The following LRP1B variants were observed in gnomAD, a reference collection of about 807,000 sequenced individuals.
LRP1B encodes the protein low-density lipoprotein receptor-related protein 1B.
In LRP1B, 217 loss-of-function variants were observed where a neutral mutation model predicts 556.6. That is an observed-to-expected ratio of 0.39 (90% confidence interval 0.35 to 0.44). The LOEUF (loss-of-function observed/expected upper bound fraction) is 0.44. Among genes scored for constraint, LRP1B ranks in the 20% least tolerant of loss-of-function variants. LRP1B has a pLI of 1.00. For missense variants in LRP1B, 5,053 were observed against 5,620.8 expected (o/e 0.90, Z 3.23); for synonymous variants, 2,047 against 1,865.8 (o/e 1.10, Z -2.50).
At chr2:141,444,389 G>T (rs538799869) in intron 3 of LRP1B, among the ~76,000 whole-genome samples, 1 of 152,252 alleles carries the variant, frequency 6.6e-6, no homozygotes, top group East Asian at 1.9e-4. Flanking sequence ...GAGATAATTT[G>T]ACTTCCTCTC....
At chr2:141,115,502 A>C (rs1240769518) in intron 7 of LRP1B, among the ~76,000 whole-genome samples, 1 of 126,468 alleles carries the variant, frequency 7.9e-6, no homozygotes, top group African/African-American at 3.0e-5. Flanking sequence ...TGTCACCCAG[A>C]CTGGAGTGCA....
intron 3 of LRP1B, among the ~76,000 whole-genome samples, chr2:141,438,027 T>C (rs369414264): frequency 3.3e-4 from 51 of 152,252 alleles, no homozygotes; most frequent in African/African-American, 1.2e-3. Flanking sequence ...GCATTGACTA[T>C]ATAACATTTG....
chr2:140,790,642 A>G (rs1004647085), intron 32 of LRP1B, among the ~76,000 whole-genome samples: 1 of 152,170 alleles, frequency 6.6e-6, no homozygotes, highest in Non-Finnish European at 1.5e-5. Context: ...TCTACTAGGT[A>G]GTGAGGCCCG....
intron 32 of LRP1B, among the ~76,000 whole-genome samples, chr2:140,798,229 A>C (rs575652814): frequency 6.6e-6 from 1 of 152,296 alleles, no homozygotes; most frequent in South Asian, 2.1e-4. Flanking sequence ...CATGATAGTC[A>C]CTTGATAAAT....
At chr2:141,968,256 G>T (rs1416391494) in intron 1 of LRP1B, among the ~76,000 whole-genome samples, 1 of 151,790 alleles carries the variant, frequency 6.6e-6, no homozygotes, top group East Asian at 1.9e-4. Flanking sequence ...TTACACAAAT[G>T]TCTTTCTCTT....
chr2:141,690,396 A>AATAAATAT (rs5834858), intron 2 of LRP1B, among the ~76,000 whole-genome samples: 1,157 of 26,012 alleles, frequency 0.044, 15 homozygotes, highest in Non-Finnish European at 0.063. Context: ...TACATCTATA[A>AATAAATAT]ATATATATAT....
intron 41 of LRP1B, among the ~76,000 whole-genome samples, chr2:140,695,980 T>C (rs999116745): frequency 2.6e-5 from 4 of 152,206 alleles, no homozygotes; most frequent in African/African-American, 9.6e-5. Context: ...TTCAGCTATA[T>C]GAAGGATCAA....
intron 7 of LRP1B, among the ~76,000 whole-genome samples, chr2:141,110,460 C>T (rs921390902): frequency 2.6e-5 from 4 of 151,996 alleles, no homozygotes; most frequent in African/African-American, 4.8e-5. Flanking sequence ...TGCTCATATG[C>T]GTATGAGGTC....
intron 43 of LRP1B, among the ~76,000 whole-genome samples, chr2:140,572,834 A>AAATAAAAT (rs1681377704): frequency 6.6e-6 from 1 of 151,502 alleles, no homozygotes; most frequent in Non-Finnish European, 1.5e-5. Context: ...AAATAAAATA[A>AAATAAAAT]AATAAAACAC....
At chr2:141,728,862 C>G (rs2105513916) in intron 2 of LRP1B, among the ~76,000 whole-genome samples, 1 of 152,254 alleles carries the variant, frequency 6.6e-6, no homozygotes. Context: ...TTTGGCTTAA[C>G]AAATGTTTTT....
intron 35 of LRP1B, among the ~76,000 whole-genome samples, chr2:140,751,569 T>C (rs1430789675): frequency 6.6e-6 from 1 of 152,204 alleles, no homozygotes; most frequent in Non-Finnish European, 1.5e-5. Flanking sequence ...AGAAAAATAA[T>C]ATTTTAATAC....
At chr2:141,005,531 A>C (rs991165684) in intron 14 of LRP1B, 74 bp from the exon 15 acceptor site, 2 of 1,402,722 alleles carry the variant, frequency 1.4e-6, no homozygotes, top group Non-Finnish European at 2.0e-6. Flanking sequence ...CATAGATGTA[A>C]TTACATACAC....
At chr2:141,257,161 G>A (rs897993088) in intron 3 of LRP1B, among the ~76,000 whole-genome samples, 5 of 152,032 alleles carry the variant, frequency 3.3e-5, no homozygotes, top group African/African-American at 1.2e-4. Context: ...TAATAGGATC[G>A]ATTGAGGGTG....
intron 3 of LRP1B, among the ~76,000 whole-genome samples, chr2:141,448,883 A>G (rs1189194178): frequency 1.3e-5 from 2 of 152,218 alleles, no homozygotes; most frequent in Admixed American, 1.3e-4. Flanking sequence ...ATTCTTAAGA[A>G]GTTTCCATCT....
At chr2:141,376,191 G>A (rs1395857987) in intron 3 of LRP1B, among the ~76,000 whole-genome samples, 1 of 152,164 alleles carries the variant, frequency 6.6e-6, no homozygotes, top group East Asian at 1.9e-4. Flanking sequence ...ATGACTGTGG[G>A]ATTCCATATG....
intron 66 of LRP1B, among the ~76,000 whole-genome samples, chr2:140,393,436 T>G (rs530577111): frequency 1.4e-5 from 2 of 148,072 alleles, no homozygotes; most frequent in South Asian, 4.2e-4. Flanking sequence ...TTCGTTCCTT[T>G]TTTTTTTAAG....
chr2:141,617,840 C>T (rs979117955), intron 2 of LRP1B, among the ~76,000 whole-genome samples: 1 of 152,120 alleles, frequency 6.6e-6, no homozygotes, highest in Non-Finnish European at 1.5e-5. Flanking sequence ...CCCATGTATA[C>T]AAGTAATTAA....
At position 141,644,785 on chromosome 2, in the gene LRP1B, A is replaced by AACAC. The variant is rs3039266; in HGVS notation, c.206-164256_206-164253dup. Among the ~76,000 whole-genome samples, 106 of 147,924 alleles carry AACAC rather than the reference A, an allele frequency of 7.2e-4. 1 individual carries two copies. Among genetic ancestry groups the AACAC allele is most frequent in the African/African-American group, 2.4e-3 (97 of 40,248 alleles). On this transcript the variant is annotated intron_variant, in intron 2 of 90. Transcript: ENST00000389484. ...CACGCATACACATGCACACACACAC[A>AACAC]ACACACACACACACAGGAAAACTCA...
intron 1 of LRP1B, among the ~76,000 whole-genome samples, chr2:142,126,787 T>C (rs573327343): frequency 6.6e-6 from 1 of 151,892 alleles, no homozygotes; most frequent in East Asian, 1.9e-4. Context: ...TGGATCCATA[T>C]ATAGAATGGA....
Sources: allele counts gnomAD v4.1 joint callset (sites outside exome capture counted in the v4.1 genomes callset), GRCh38; gene constraint gnomAD v4.1.1; transcripts MANE v1.5; gene names NCBI Gene and HGNC (gene_info 2026-07-23, HGNC 2026-07-21).